Variants in GLMN observed in about 807,000 individuals in gnomAD.
GLMN encodes glomulin.
In GLMN, 75 loss-of-function variants were observed where a neutral mutation model predicts 87.8. That is an observed-to-expected ratio of 0.85 (90% CI 0.71 to 1.04). The LOEUF is 1.04. Among genes scored for constraint, GLMN ranks in the 50% least tolerant of loss-of-function variants. The pLI, the probability that GLMN is intolerant of heterozygous loss-of-function variation, is 0.00. For synonymous variants in GLMN, 206 were observed against 221.6 expected, an observed-to-expected ratio of 0.93 and a Z score of 0.63; for missense variants, 588 against 658.8, an observed-to-expected ratio of 0.89 and a Z score of 1.18.
chr1:92,265,516 G>A (rs1294134653), intron 13 of GLMN, among the ~76,000 whole-genome samples: 3 of 152,006 alleles, frequency 2.0e-5, no homozygotes, highest in Non-Finnish European at 4.4e-5. Context: ...TGGCTCATGC[G>A]TGTCATCTCA....
intron 3 of GLMN, 72 bp from the exon 4 acceptor site, chr1:92,291,609 G>C: frequency 1.4e-6 from 2 of 1,433,118 alleles, no homozygotes; most frequent in Non-Finnish European, 2.0e-6. Flanking sequence ...TTCCTATCTT[G>C]GAAGAGCTCA....
chr1:92,324,924 A>G, the GLMN span, among the ~76,000 whole-genome samples: 3 of 152,192 alleles, frequency 2.0e-5, no homozygotes, highest in African/African-American at 7.2e-5. Context: ...CTGTTGTGTC[A>G]TTTACTAGCT....
the GLMN span, chr1:92,320,529 G>A: frequency 7.7e-5 from 101 of 1,303,876 alleles, no homozygotes; most frequent in Admixed American, 2.3e-4. Context: ...CCCAGCCTCC[G>A]AAAGTGCTGG....
chr1:92,366,164 G>A, the GLMN span, among the ~76,000 whole-genome samples: 1 of 152,162 alleles, frequency 6.6e-6, no homozygotes. Context: ...TTAGCCGGAT[G>A]TGGTGGTGCT....
the GLMN span, among the ~76,000 whole-genome samples, chr1:92,328,001 T>C: frequency 2.0e-5 from 3 of 152,358 alleles, no homozygotes; most frequent in East Asian, 1.9e-4. Context: ...TTCTAGCTTA[T>C]AGGGTTTCTG....
At chr1:92,326,576 T>C in the GLMN span, among the ~76,000 whole-genome samples, 1 of 152,070 alleles carries the variant, frequency 6.6e-6, no homozygotes, top group Non-Finnish European at 1.5e-5. Context: ...GGAAGGACCG[T>C]CATGGGGGCA....
chr1:92,336,751 A>C, the GLMN span, among the ~76,000 whole-genome samples: 1 of 152,112 alleles, frequency 6.6e-6, no homozygotes, highest in African/African-American at 2.4e-5. Context: ...TGGCTGACCC[A>C]CACTGCACCA....
the GLMN span, chr1:92,304,151 A>C: frequency 7.8e-7 from 1 of 1,277,208 alleles, no homozygotes; most frequent in Non-Finnish European, 1.1e-6. Flanking sequence ...TAAGAATAAG[A>C]AATAAAACCT....
chr1:92,318,060 T>C, the GLMN span, among the ~76,000 whole-genome samples: 1 of 152,224 alleles, frequency 6.6e-6, no homozygotes, highest in African/African-American at 2.4e-5. Flanking sequence ...AGCCTAGCTC[T>C]ATTCTTCTGA....
At position 92,246,923 on chromosome 1, in the gene GLMN, T is replaced by A. The variant is rs1054127279; in HGVS notation, c.1668+139A>T. 8.2e-5 allele frequency: 59 copies of A among 720,374 alleles called. No individual in the cohort carries two copies. In the Admixed American group the frequency reaches 1.2e-3, roughly 14 times the overall value. 44.6% of individuals were successfully genotyped at this position (720,374 alleles called of 1,614,324 possible). ...CTGCAGTCCTGGCTAATCAGGAATCTGAGGTGGGTGGATCACTTGAGCCCA... is the reference window on the plus strand; with the variant it reads ...CTGCAGTCCTGGCTAATCAGGAATCAGAGGTGGGTGGATCACTTGAGCCCA... On this transcript the variant is annotated intron_variant, in intron 18 of 18. Coordinates refer to ENST00000370360, the MANE Select transcript of GLMN (RefSeq NM_053274.3).
the GLMN span, among the ~76,000 whole-genome samples, chr1:92,349,832 G>A: frequency 6.6e-6 from 1 of 152,148 alleles, no homozygotes; most frequent in African/African-American, 2.4e-5. Context: ...GGAAGCTGTG[G>A]TGGGAGGATC....
chr1:92,343,562 T>C, the GLMN span, among the ~76,000 whole-genome samples: 7 of 152,298 alleles, frequency 4.6e-5, no homozygotes, highest in East Asian at 1.4e-3. Context: ...AATTAATAGA[T>C]TTTAATATTT....
At chr1:92,279,847 G>A (rs901742570) in intron 7 of GLMN, among the ~76,000 whole-genome samples, 1 of 152,226 alleles carries the variant, frequency 6.6e-6, no homozygotes, top group African/African-American at 2.4e-5. Flanking sequence ...AGAGCCTTGC[G>A]CACTGCTAGC....
At chr1:92,363,958 T>TA in the GLMN span, among the ~76,000 whole-genome samples, 1 of 152,184 alleles carries the variant, frequency 6.6e-6, no homozygotes, top group African/African-American at 2.4e-5. Flanking sequence ...AGTAGGCTAT[T>TA]TATAGTTAAG....
the GLMN span, among the ~76,000 whole-genome samples, chr1:92,324,908 G>T: frequency 6.6e-6 from 1 of 152,170 alleles, no homozygotes; most frequent in Non-Finnish European, 1.5e-5. Flanking sequence ...ACCTAGATTT[G>T]AACATCTGTT....
rs747672279 is a variant in GLMN at position 92,271,488 on chromosome 1, A to G, written c.900T>C (p.Ile300=). 8.1e-6 allele frequency: 13 copies of G among 1,612,888 alleles called. No homozygotes were observed. The highest frequency in any genetic ancestry group is 1.7e-5 in the Admixed American group (1 of 60,002). ...ACCTTAAGACCATTGGAAGCTGATC[A>G]ATATGGATGCCCTGTACAAATACTA... The part of the protein sequence containing the change: ...AYLVFVQGIH[I]DQLPMVLSPL... Residue 300 remains isoleucine (I), a synonymous_variant, in exon 8 of 19, where the codon ATT becomes ATC. Transcript: ENST00000370360.
At chr1:92,299,554 CCAGAGAGGACGTT>C (rs1650642633), upstream of GLMN, among the ~76,000 whole-genome samples, 1 of 152,120 alleles carries the variant, frequency 6.6e-6, no homozygotes, top group Admixed American at 6.5e-5. Flanking sequence ...CCCTCTTCCC[CCAGAGAGGACGTT>C]TGGCAGACGG....
chr1:92,283,508 T>C (rs568846580), intron 7 of GLMN, among the ~76,000 whole-genome samples: 22 of 152,168 alleles, frequency 1.4e-4, no homozygotes, highest in Middle Eastern at 3.4e-3. Context: ...CCACAGCCAA[T>C]ATCATACTGA....
intron 16 of GLMN, among the ~76,000 whole-genome samples, chr1:92,259,217 AAATT>A (rs1654672116): frequency 6.6e-6 from 1 of 152,240 alleles, no homozygotes; most frequent in Admixed American, 6.5e-5. Flanking sequence ...GTATTAGAAT[AAATT>A]ATTGTAATTC....
Sources: gnomAD v4.1 joint callset for allele counts (sites outside exome capture counted in the v4.1 genomes callset) on GRCh38, gnomAD v4.1.1 for gene constraint, MANE v1.5 for transcripts, NCBI Gene and HGNC (gene_info 2026-07-23, HGNC 2026-07-21) for gene names.